Variants in SCUBE2 observed in about 807,000 individuals in gnomAD.
The protein encoded by SCUBE2 is signal peptide, CUB domain and EGF like domain containing 2.
Under a neutral mutation model 125.9 loss-of-function variants are expected in SCUBE2, and 114 were observed. The ratio of observed to expected loss-of-function variants is 0.91; its 90% CI spans 0.78 to 1.06. The LOEUF is 1.06. Among genes scored for constraint, SCUBE2 ranks in the 50% least tolerant of loss-of-function variants. The pLI is 0.00. For synonymous variants in SCUBE2, 459 were observed against 492.9 expected (o/e 0.93, Z 0.91); for missense variants, 1,255 against 1,301.8 (o/e 0.96, Z 0.55).
In SCUBE2 at chr11:9,071,927, G is replaced by A. The variant is rs1225737475; in HGVS notation, c.518-2432C>T. On this transcript the variant is annotated intron_variant, in intron 4 of 22. Transcript: ENST00000649792. ...CCATGAATAGGAACAAAGGCGGGCC[G>A]GGGGTGATGTGCTTCTCTCCAGCCT... Among the ~76,000 whole-genome samples the A allele has an allele frequency of 3.9e-5, 6 of 152,016 alleles. No homozygotes were observed. In the East Asian group the frequency reaches 5.8e-4, roughly 15 times the overall value.
intron 16 of SCUBE2, among the ~76,000 whole-genome samples, chr11:9,045,947 A>T (rs1857689877): frequency 6.6e-6 from 1 of 151,526 alleles, no homozygotes. Context: ...CATCTCAGGG[A>T]CACATTCACA....
At chr11:9,061,101 A>G (rs1859638068) in intron 7 of SCUBE2, among the ~76,000 whole-genome samples, 1 of 152,210 alleles carries the variant, frequency 6.6e-6, no homozygotes, top group African/African-American at 2.4e-5. Flanking sequence ...AAATTGCAAC[A>G]ATGGAGATGA....
intron 17 of SCUBE2, among the ~76,000 whole-genome samples, chr11:9,031,831 TCTCTC>T (rs1243888248): frequency 6.6e-6 from 1 of 151,954 alleles, no homozygotes; most frequent in Non-Finnish European, 1.5e-5. Flanking sequence ...TTCTTAATCA[TCTCTC>T]CTCTATTAAT....
rs1044637949 is a variant in SCUBE2, at chr11:9,091,436, G to T, written c.93C>A (p.Ala31=). ...CGGCACGGCCCCGACCCGGCGGGAC[G>T]GCCCCCGCCAGCAGCAGCAGTGGCG... is the stretch of plus-strand genomic sequence containing the variant. ...LLPPLLLLAG[A]VPPGRGRAAG... Residue 31 remains alanine, a synonymous_variant, in exon 1 of 23, where the codon GCC becomes GCA. Coordinates refer to ENST00000649792, the MANE Select transcript of SCUBE2 (RefSeq NM_001367977.2). The surrounding 1 kb of genome is among the most constrained non-coding windows in gnomAD (Gnocchi z 8.5). 5 of 1,331,364 alleles carry T rather than the reference G, an allele frequency of 3.8e-6. No individual in the cohort carries two copies. The highest frequency in any genetic ancestry group is 1.9e-5 in the South Asian group (1 of 52,292). 82.5% of individuals were successfully genotyped at this position (1,331,364 alleles called of 1,614,324 possible). A position where few individuals can be genotyped will look rare whatever the true frequency, so the allele number is the denominator to read the frequency against.
At position 9,019,969 on chromosome 11, in the gene SCUBE2, T is replaced by A. The variant is rs1364737055; in HGVS notation, c.*1076A>T. 1.3e-5 allele frequency among the ~76,000 whole-genome samples: 2 copies of A among 152,148 alleles called. No homozygotes were observed. Among genetic ancestry groups the A allele is most frequent in the Non-Finnish European group, 2.9e-5 (2 of 68,018 alleles). ...CCCAAAGTGAGATGATCGTGTGGCA[T>A]TCAGGGGGTGTTTCTGGCAGTGCTG... is the stretch of plus-strand genomic sequence containing the variant. On this transcript the variant is annotated 3_prime_UTR_variant, in exon 23 of 23. Transcript: ENST00000649792.
intron 19 of SCUBE2, among the ~76,000 whole-genome samples, chr11:9,029,166 T>C (rs1856050457): frequency 6.6e-6 from 1 of 152,130 alleles, no homozygotes; most frequent in Non-Finnish European, 1.5e-5. Flanking sequence ...AAATAGTGGC[T>C]TTAAAAAAAA....
chr11:9,024,299 G>A (rs1855544125), intron 21 of SCUBE2: 1 of 1,164,808 alleles, frequency 8.6e-7, no homozygotes, highest in Non-Finnish European at 1.1e-6. Context: ...GTTGCTTTTG[G>A]GTAGATGAGG....
chr11:9,047,999 T>C lies in SCUBE2; in HGVS notation c.1739A>G (p.Lys580Arg). The C allele has an allele frequency of 6.2e-7, 1 of 1,614,170 alleles. No individual in the cohort carries two copies. The change falls in exon 15 of 23, where the codon AAG becomes AGG. Residue 580 changes from lysine to arginine, a missense_variant. Physicochemically the swap from Lys to Arg is conservative, Grantham distance 26. Transcript: ENST00000649792. Reference sequence around the variant, plus strand: ...AAACTCAACAGTGATAAACATTTCCTTAGGGGTGCTTGGTCGGCCAGGGGC... The same window carrying C: ...AAACTCAACAGTGATAAACATTTCCCTAGGGGTGCTTGGTCGGCCAGGGGC... ...PGAPGRPSTP[K>R]EMFITVEFEL...
chr11:9,049,421 G>C (rs1590061369), intron 14 of SCUBE2, among the ~76,000 whole-genome samples: 1 of 151,862 alleles, frequency 6.6e-6, no homozygotes, highest in South Asian at 2.1e-4. Flanking sequence ...TTTTTTTATA[G>C]TTTTTGTAGA....
At chr11:9,090,477 A>ATT in intron 1 of SCUBE2, 1 of 48,166 alleles carries the variant, frequency 2.1e-5, no homozygotes, top group African/African-American at 3.5e-5. Context: ...TTTTTTTTTT[A>ATT]TTTATTTATT....
At chr11:9,024,356 C>T in intron 21 of SCUBE2, 5 of 1,286,196 alleles carry the variant, frequency 3.9e-6, no homozygotes, top group Non-Finnish European at 5.1e-6. Flanking sequence ...TTTGGGTCCA[C>T]CCCAAGAGAT....
Position 9,091,465 on chromosome 11 carries a change from GCAGCA to G in SCUBE2, c.59_63del (p.Leu20ProfsTer27). The stretch of plus-strand genomic sequence containing the variant: ...CCCGCCAGCAGCAGCAGTGGCGGCA[GCAGCA>G]GCAGCAGCAGCAGCACCGCCCAGGC... On this transcript the variant is annotated frameshift_variant, in exon 1 of 23. Transcript: ENST00000649792. LOFTEE classifies it high-confidence loss of function. This position sits in a 1 kb window ranked among gnomAD's most constrained non-coding sequence, Gnocchi z 8.5. 9.3e-7 allele frequency: 1 copy of G among 1,075,030 alleles called. No individual in the cohort carries two copies. The highest frequency in any genetic ancestry group is 2.3e-5 in the South Asian group (1 of 42,824). The allele number at this position is 1,075,030 out of a possible 1,614,324, so 66.6% of individuals were successfully genotyped here.
chr11:9,083,843 A>T (rs554228310), intron 2 of SCUBE2, among the ~76,000 whole-genome samples: 2 of 152,144 alleles, frequency 1.3e-5, no homozygotes, highest in Non-Finnish European at 2.9e-5. Flanking sequence ...TCCGGCCTAG[A>T]ATGAATCTTG....
chr11:9,090,955 C>G (rs1043491637), intron 1 of SCUBE2, among the ~76,000 whole-genome samples: 7 of 152,142 alleles, frequency 4.6e-5, no homozygotes, highest in African/African-American at 1.7e-4. Flanking sequence ...GTCTCTGGAG[C>G]CCACCCCGAA....
At chr11:9,070,630 G>T (rs76387972) in intron 4 of SCUBE2, among the ~76,000 whole-genome samples, 2 of 152,280 alleles carry the variant, frequency 1.3e-5, no homozygotes, top group South Asian at 2.1e-4. Flanking sequence ...GTACAAAAAG[G>T]TTGCTTTCAC....
At position 9,091,539 on chromosome 11, in the gene SCUBE2, G is replaced by A; in HGVS notation, c.-11C>T. 1 of 681,882 alleles carries A rather than the reference G, an allele frequency of 1.5e-6. No individual in the cohort carries two copies. Among genetic ancestry groups the A allele is most frequent in the African/African-American group, 1.9e-5 (1 of 52,576 alleles). 42.2% of individuals were successfully genotyped at this position (681,882 alleles called of 1,614,324 possible). On this transcript the variant is annotated 5_prime_UTR_variant, in exon 1 of 23. Coordinates refer to ENST00000649792, the MANE Select transcript of SCUBE2 (RefSeq NM_001367977.2). This position sits in a 1 kb window ranked among gnomAD's most constrained non-coding sequence, Gnocchi z 8.5. The stretch of plus-strand genomic sequence containing the variant: ...GCCCGCGACCCCCATGGATGGCTCA[G>A]CGGTTGCGGGCAGAGGCGGCGGAGT...
At chr11:9,055,936 C>A (rs1859038018) in intron 9 of SCUBE2, 27 bp from the exon 10 acceptor site, 1 of 1,559,836 alleles carries the variant, frequency 6.4e-7, no homozygotes, top group Admixed American at 1.7e-5. Flanking sequence ...GAGAGGGGAG[C>A]TGAAACCCAC....
intron 10 of SCUBE2, 90 bp downstream of exon 10, chr11:9,055,703 A>G (rs769225689): frequency 5.3e-6 from 5 of 935,720 alleles, no homozygotes; most frequent in Non-Finnish European, 7.0e-6. Flanking sequence ...TCATACCCCA[A>G]TGTAGGAAAG....
rs1242253893 is a variant in SCUBE2, at chr11:9,089,686, C to T, written c.256+21G>A. Reference sequence around the variant, plus strand: ...TAGGAGCTTCCCTACAGTCCCCCCACATGGTCCCCAAGGCACTTACCCTCA... The same window carrying T: ...TAGGAGCTTCCCTACAGTCCCCCCATATGGTCCCCAAGGCACTTACCCTCA... On this transcript the variant is annotated intron_variant, in intron 2 of 22. Transcript: ENST00000649792. The T allele has an allele frequency of 2.5e-6, 4 of 1,611,484 alleles. No individual in the cohort carries two copies. In the African/African-American group the frequency reaches 4.0e-5, roughly 16 times the overall value.
Sources: gnomAD v4.1 joint callset for allele counts (sites outside exome capture counted in the v4.1 genomes callset) on GRCh38, gnomAD v4.1.1 for gene constraint, Gnocchi (gnomAD v3.1) non-coding constraint, MANE v1.5 for transcripts, NCBI Gene and HGNC (gene_info 2026-07-23, HGNC 2026-07-21) for gene names.